FAM13A: variants seen among roughly 807,000 people sequenced by gnomAD.
The protein encoded by FAM13A is family with sequence similarity 13 member A.
Under a neutral mutation model 129.6 loss-of-function variants are expected in FAM13A, and 76 were observed. The observed-to-expected ratio is 0.59, with a 90% CI of 0.49 to 0.71. FAM13A has a LOEUF of 0.71. FAM13A is among the 30% of genes least tolerant of loss of function. The probability of loss-of-function intolerance (pLI) is 0.00; values close to 1 mark genes in which losing one functional copy is unlikely to be tolerated. For synonymous variants in FAM13A, 443 were observed against 449.9 expected, an observed-to-expected ratio of 0.98 and a Z score of 0.20; for missense variants, 1,108 against 1,249.3, an observed-to-expected ratio of 0.89 and a Z score of 1.70.
chr4:89,000,911 C>G (rs1031303135), intron 3 of FAM13A, among the ~76,000 whole-genome samples: 6 of 152,210 alleles, frequency 3.9e-5, no homozygotes, highest in African/African-American at 1.4e-4. Flanking sequence ...TAAAACATGA[C>G]AGTAGATGGA....
At chr4:88,802,587 G>A (rs1044926662) in intron 8 of FAM13A, among the ~76,000 whole-genome samples, 6 of 152,182 alleles carry the variant, frequency 3.9e-5, no homozygotes, top group African/African-American at 1.2e-4. Context: ...AGGCATGACT[G>A]TTCAATGAGA....
intron 5 of FAM13A, among the ~76,000 whole-genome samples, chr4:88,907,982 T>C (rs1044734713): frequency 2.6e-5 from 4 of 152,210 alleles, no homozygotes; most frequent in African/African-American, 9.7e-5. Context: ...ACAGCACATG[T>C]TCTCAGGTTT....
chr4:88,933,514 T>C (rs1281823861), intron 5 of FAM13A, among the ~76,000 whole-genome samples: 1 of 152,132 alleles, frequency 6.6e-6, no homozygotes, highest in Non-Finnish European at 1.5e-5. Flanking sequence ...ATCTAAGCCT[T>C]ATTTTCACTC....
At chr4:88,800,696 C>CAAAAAAAAAAAA (rs1185321303) in intron 8 of FAM13A, among the ~76,000 whole-genome samples, 24 of 53,534 alleles carry the variant, frequency 4.5e-4, no homozygotes, top group African/African-American at 7.0e-4. Flanking sequence ...GAAACAAAAA[C>CAAAAAAAAAAAA]AAAAAAAAAA....
chr4:88,761,848 A>C (rs1560922102), intron 13 of FAM13A, among the ~76,000 whole-genome samples: 1 of 152,210 alleles, frequency 6.6e-6, no homozygotes, highest in Non-Finnish European at 1.5e-5. Context: ...AGTACCTACT[A>C]TTTGCTAGAT....
intron 5 of FAM13A, chr4:88,937,833 G>C: frequency 1.9e-6 from 1 of 537,134 alleles, no homozygotes; most frequent in South Asian, 2.4e-5. Flanking sequence ...TCAGAGCACT[G>C]GGCTCATGCA....
intron 7 of FAM13A, among the ~76,000 whole-genome samples, chr4:88,841,408 C>T (rs375133396): frequency 3.4e-5 from 5 of 148,540 alleles, no homozygotes; most frequent in South Asian, 2.1e-4. Context: ...GCAGGAGAAC[C>T]GTTTGAACCC....
At chr4:88,750,978 A>T (rs901913025) in intron 14 of FAM13A, among the ~76,000 whole-genome samples, 2 of 152,258 alleles carry the variant, frequency 1.3e-5, no homozygotes, top group Non-Finnish European at 2.9e-5. Flanking sequence ...GAAAATGTGC[A>T]TGCCTGTAAT....
At position 88,945,990 on chromosome 4, in the gene FAM13A, G is replaced by GTGTATATATATATA; in HGVS notation, c.606-7750_606-7749insTATATATATATACA. Among the ~76,000 whole-genome samples, 185 of 61,782 alleles carry GTGTATATATATATA rather than the reference G, an allele frequency of 3.0e-3. 2 individuals are homozygous for GTGTATATATATATA. The highest frequency in any genetic ancestry group is 0.01 in the African/African-American group (115 of 11,470). The allele number at this position is 61,782 out of a possible 152,430, so 40.5% of individuals were successfully genotyped here. A position where few individuals can be genotyped will look rare whatever the true frequency, so the allele number is the denominator to read the frequency against. ...TGTGTGTGTGTGTGTGTGTGTGTGT[G>GTGTATATATATATA]TATATATATATATATATATATATAT... On this transcript the variant is annotated intron_variant, in intron 4 of 23. Coordinates refer to ENST00000264344, the MANE Select transcript of FAM13A (RefSeq NM_014883.4).
intron 13 of FAM13A, among the ~76,000 whole-genome samples, chr4:88,763,323 C>T (rs80056168): frequency 0.023 from 3,502 of 151,950 alleles, 55 homozygotes; most frequent in Non-Finnish European, 0.033. Context: ...ATTTGGCAAG[C>T]GTTCATTGAA....
intron 4 of FAM13A, among the ~76,000 whole-genome samples, chr4:88,940,828 G>A (rs745740870): frequency 4.6e-5 from 7 of 152,140 alleles, no homozygotes; most frequent in South Asian, 2.1e-4. Context: ...ATTTTTAAAC[G>A]ATCTGTGGAT....
chr4:88,815,641 T>G (rs778581962), intron 7 of FAM13A, among the ~76,000 whole-genome samples: 3 of 152,188 alleles, frequency 2.0e-5, no homozygotes, highest in Non-Finnish European at 4.4e-5. Flanking sequence ...TACTCATGTG[T>G]ACTTGGTCAA....
intron 7 of FAM13A, among the ~76,000 whole-genome samples, chr4:88,825,029 A>C (rs1418500525): frequency 1.3e-5 from 2 of 152,112 alleles, no homozygotes; most frequent in African/African-American, 4.8e-5. Flanking sequence ...GTAGAAAATC[A>C]CAATTATACA....
chr4:88,902,825 G>A (rs1747507137), intron 6 of FAM13A, among the ~76,000 whole-genome samples: 1 of 152,086 alleles, frequency 6.6e-6, no homozygotes, highest in South Asian at 2.1e-4. Flanking sequence ...AACTATCCCT[G>A]TTTTCATATG....
chr4:88,777,686 C>A (rs734726), intron 11 of FAM13A, among the ~76,000 whole-genome samples: 3 of 152,148 alleles, frequency 2.0e-5, no homozygotes, highest in Middle Eastern at 3.2e-3. Context: ...TTTTCCAGAT[C>A]TACATCATAT....
chr4:88,959,491 T>C (rs1048182623), intron 4 of FAM13A, among the ~76,000 whole-genome samples: 1 of 152,216 alleles, frequency 6.6e-6, no homozygotes, highest in African/African-American at 2.4e-5. Context: ...CACTCTCTCA[T>C]TTGTTCCTGC....
intron 1 of FAM13A, among the ~76,000 whole-genome samples, chr4:89,040,158 T>C (rs186055236): frequency 1.1e-3 from 170 of 152,302 alleles, no homozygotes; most frequent in South Asian, 2.7e-3. Context: ...GGATGCAATG[T>C]AATGATGTCT....
At chr4:88,778,230 C>A (rs926830771) in intron 11 of FAM13A, among the ~76,000 whole-genome samples, 1 of 152,166 alleles carries the variant, frequency 6.6e-6, no homozygotes, top group African/African-American at 2.4e-5. Context: ...GTCTAATGGG[C>A]AGCTCAGTCT....
chr4:88,988,112 C>A (rs1374472612), intron 4 of FAM13A, among the ~76,000 whole-genome samples: 1 of 152,060 alleles, frequency 6.6e-6, no homozygotes, highest in Non-Finnish European at 1.5e-5. Flanking sequence ...ACTTGCACAT[C>A]CTGCACATGT....
Sources: gnomAD v4.1 joint callset for allele counts (sites outside exome capture counted in the v4.1 genomes callset) on GRCh38, gnomAD v4.1.1 for gene constraint, MANE v1.5 for transcripts, NCBI Gene and HGNC (gene_info 2026-07-23, HGNC 2026-07-21) for gene names.